Variants in GRM8 observed in about 807,000 individuals in gnomAD.
GRM8 encodes glutamate metabotropic receptor 8.
In GRM8, 47 loss-of-function variants were observed where a neutral mutation model predicts 87.2. That is an observed-to-expected ratio of 0.54 (90% CI 0.43 to 0.69). The LOEUF (loss-of-function observed/expected upper bound fraction) is 0.69. Ranked by LOEUF, GRM8 falls within the 30% of genes least tolerant of loss-of-function variation. The pLI is 0.00. For synonymous variants in GRM8, 396 were observed against 404.5 expected, an observed-to-expected ratio of 0.98 and a Z score of 0.25; for missense variants, 1,019 against 1,139.2, an observed-to-expected ratio of 0.89 and a Z score of 1.52.
chr7:126,969,770 A>C (rs528567637), intron 3 of GRM8, among the ~76,000 whole-genome samples: 5 of 152,216 alleles, frequency 3.3e-5, no homozygotes, highest in African/African-American at 4.8e-5. Context: ...GTCTTCATTT[A>C]CTTTGCCCGG....
chr7:126,817,392 A>G (rs1247074566), intron 6 of GRM8, among the ~76,000 whole-genome samples: 1 of 152,170 alleles, frequency 6.6e-6, no homozygotes, highest in East Asian at 1.9e-4. Context: ...AATTACAATA[A>G]AATGATACTA....
chr7:127,166,310 C>A (rs975177258), intron 2 of GRM8, among the ~76,000 whole-genome samples: 18 of 152,076 alleles, frequency 1.2e-4, no homozygotes, highest in Admixed American at 2.6e-4. Context: ...CACAAGGCCC[C>A]AGATCACTCA....
intron 7 of GRM8, among the ~76,000 whole-genome samples, chr7:126,740,034 C>A (rs1279394026): frequency 6.6e-6 from 1 of 152,020 alleles, no homozygotes; most frequent in Non-Finnish European, 1.5e-5. Context: ...TCAGAACATG[C>A]CCCCAACGTT....
intron 10 of GRM8, among the ~76,000 whole-genome samples, chr7:126,439,825 A>AGTGTGTGTGTGTGTGTGTGTGTGTGT (rs57638512): frequency 8.4e-4 from 120 of 142,676 alleles, no homozygotes; most frequent in East Asian, 7.8e-3. Flanking sequence ...GGCCTAGGCT[A>AGTGTGTGTGTGTGTGTGTGTGTGTGT]GTGTGTGTGT....
At chr7:126,864,580 T>C (rs922623285) in intron 6 of GRM8, among the ~76,000 whole-genome samples, 1 of 152,172 alleles carries the variant, frequency 6.6e-6, no homozygotes, top group Non-Finnish European at 1.5e-5. Context: ...TATATACATA[T>C]ATACCTATGT....
At chr7:126,911,859 C>T (rs1391519199) in intron 3 of GRM8, among the ~76,000 whole-genome samples, 1 of 152,158 alleles carries the variant, frequency 6.6e-6, no homozygotes, top group East Asian at 1.9e-4. Flanking sequence ...GACTGGGCCA[C>T]ATGCTGCCCA....
intron 3 of GRM8, among the ~76,000 whole-genome samples, chr7:127,008,724 A>G (rs1357643601): frequency 6.6e-6 from 1 of 152,080 alleles, no homozygotes; most frequent in African/African-American, 2.4e-5. Context: ...TGGCCATTTT[A>G]AAAACAGCCT....
intron 7 of GRM8, among the ~76,000 whole-genome samples, chr7:126,753,191 T>C (rs1816618639): frequency 6.6e-6 from 1 of 152,010 alleles, no homozygotes; most frequent in Admixed American, 6.6e-5. Flanking sequence ...GAGTCTTAAA[T>C]ATAGTGAAGC....
intron 7 of GRM8, among the ~76,000 whole-genome samples, chr7:126,619,283 C>T (rs530430476): frequency 2.0e-5 from 3 of 152,208 alleles, no homozygotes; most frequent in East Asian, 1.9e-4. Flanking sequence ...AACAAAAAAC[C>T]AAACACCGCA....
At chr7:127,057,821 C>T (rs930705726) in intron 3 of GRM8, among the ~76,000 whole-genome samples, 2 of 148,504 alleles carry the variant, frequency 1.3e-5, no homozygotes, top group Non-Finnish European at 3.0e-5. Flanking sequence ...AAAAAAAAAA[C>T]CTAATATAGG....
At chr7:127,168,833 C>T (rs1793608464) in intron 2 of GRM8, among the ~76,000 whole-genome samples, 1 of 151,490 alleles carries the variant, frequency 6.6e-6, no homozygotes, top group Non-Finnish European at 1.5e-5. Context: ...GGAAGGGGAA[C>T]ATCACACACG....
intron 9 of GRM8, among the ~76,000 whole-genome samples, chr7:126,494,628 A>C (rs927527358): frequency 6.6e-6 from 1 of 152,046 alleles, no homozygotes; most frequent in African/African-American, 2.4e-5. Flanking sequence ...TTTTATTTCA[A>C]AGAGCTCCTA....
chr7:126,997,536 G>T (rs1185235896), intron 3 of GRM8, among the ~76,000 whole-genome samples: 1 of 133,588 alleles, frequency 7.5e-6, no homozygotes, highest in Non-Finnish European at 1.6e-5. Context: ...CAAACCTTTA[G>T]CCAGACTAAG....
chr7:127,102,608 C>A (rs1436147038), intron 3 of GRM8, among the ~76,000 whole-genome samples: 2 of 152,222 alleles, frequency 1.3e-5, no homozygotes. Context: ...TACTATAAGC[C>A]TTGACAGCCT....
At chr7:126,906,382 C>G (rs946699565) in intron 3 of GRM8, among the ~76,000 whole-genome samples, 3 of 152,138 alleles carry the variant, frequency 2.0e-5, no homozygotes, top group Middle Eastern at 3.2e-3. Flanking sequence ...GTGGCCAGAT[C>G]ATAGTTCACT....
At chr7:126,708,783 G>A (rs908310653) in intron 7 of GRM8, among the ~76,000 whole-genome samples, 3 of 152,070 alleles carry the variant, frequency 2.0e-5, no homozygotes, top group Admixed American at 6.6e-5. Context: ...AGAGTACAAT[G>A]GTGGTTACAC....
At chr7:126,524,863 G>A (rs1429797645) in intron 9 of GRM8, among the ~76,000 whole-genome samples, 3 of 152,088 alleles carry the variant, frequency 2.0e-5, no homozygotes, top group African/African-American at 4.8e-5. Context: ...CCACTTGCAT[G>A]TGTGTGTATG....
At chr7:126,865,746 G>A (rs1021667166) in intron 6 of GRM8, among the ~76,000 whole-genome samples, 1 of 152,174 alleles carries the variant, frequency 6.6e-6, no homozygotes, top group East Asian at 1.9e-4. Context: ...TATCAATGGT[G>A]TAACATCTAT....
At chr7:126,516,991 C>G (rs186665323) in intron 9 of GRM8, among the ~76,000 whole-genome samples, 1 of 152,048 alleles carries the variant, frequency 6.6e-6, no homozygotes. Context: ...CATGTTATAA[C>G]ATATCTCTTT....
Sources: gnomAD v4.1 joint callset for allele counts (sites outside exome capture counted in the v4.1 genomes callset) on GRCh38, gnomAD v4.1.1 for gene constraint, MANE v1.5 for transcripts, NCBI Gene and HGNC (gene_info 2026-07-23, HGNC 2026-07-21) for gene names.